The following NRG1 variants were observed in gnomAD, a reference collection of about 807,000 sequenced individuals.
NRG1 encodes neuregulin 1.
NRG1 carries 18 observed loss-of-function variants against 63.8 expected under a neutral mutation model. The ratio of observed to expected loss-of-function variants is 0.28; its 90% CI spans 0.19 to 0.42. The LOEUF (loss-of-function observed/expected upper bound fraction) is 0.42. Ranked by LOEUF, NRG1 falls within the 10% of genes least tolerant of loss-of-function variation. The pLI, the probability that NRG1 is intolerant of heterozygous loss-of-function variation, is 1.00. For synonymous variants in NRG1, 302 were observed against 301.3 expected (o/e 1.00, Z -0.02); for missense variants, 762 against 814.7 (o/e 0.94, Z 0.79).
chr8:32,042,764 A>G (rs1820277590), intron 1 of NRG1, among the ~76,000 whole-genome samples: 1 of 152,072 alleles, frequency 6.6e-6, no homozygotes, highest in Non-Finnish European at 1.5e-5. Context: ...TTAAAAAAAA[A>G]CTCATTGGAA....
At chr8:31,943,210 G>T (rs757277820) in intron 1 of NRG1, among the ~76,000 whole-genome samples, 6 of 152,034 alleles carry the variant, frequency 3.9e-5, no homozygotes, top group Non-Finnish European at 5.9e-5. Flanking sequence ...AGCCATAAAA[G>T]CAACAAAATA....
At chr8:31,889,777 A>G (rs1323057115) in intron 1 of NRG1, among the ~76,000 whole-genome samples, 1 of 152,164 alleles carries the variant, frequency 6.6e-6, no homozygotes, top group East Asian at 1.9e-4. Flanking sequence ...TGGGCTGGCG[A>G]CCAAGTGCAG....
chr8:32,326,518 T>C, intron 1 of NRG1, among the ~76,000 whole-genome samples: 1 of 152,002 alleles, frequency 6.6e-6, no homozygotes, highest in Non-Finnish European at 1.5e-5. Context: ...AGAGACATGG[T>C]CTCACTATGT....
intron 1 of NRG1, among the ~76,000 whole-genome samples, chr8:32,570,357 G>A (rs927357771): frequency 1.3e-5 from 2 of 152,060 alleles, no homozygotes; most frequent in Admixed American, 6.6e-5. Flanking sequence ...TGTACATTGT[G>A]CTAGGTTCTG....
chr8:31,674,722 A>C (rs1029604682), intron 1 of NRG1, among the ~76,000 whole-genome samples: 1 of 152,248 alleles, frequency 6.6e-6, no homozygotes, highest in African/African-American at 2.4e-5. Context: ...TTTGACCTGA[A>C]TTTACTGTAG....
chr8:32,760,714 A>T (rs894060814), intron 11 of NRG1: 8 of 1,145,974 alleles, frequency 7.0e-6, no homozygotes, highest in African/African-American at 1.6e-5. Flanking sequence ...TCGGGGTCTC[A>T]GTGTCCTCAG....
intron 1 of NRG1, among the ~76,000 whole-genome samples, chr8:31,747,958 T>C (rs1816059012): frequency 6.6e-6 from 1 of 152,028 alleles, no homozygotes; most frequent in Admixed American, 6.6e-5. Flanking sequence ...GATTATCCAG[T>C]AGTCTTTGGT....
At chr8:31,679,800 C>T (rs938531326) in intron 1 of NRG1, among the ~76,000 whole-genome samples, 6 of 152,016 alleles carry the variant, frequency 3.9e-5, no homozygotes, top group Non-Finnish European at 8.8e-5. Context: ...ATTTTGTCTG[C>T]ATAGTAACCA....
At chr8:32,752,529 T>C (rs945586849) in intron 7 of NRG1, among the ~76,000 whole-genome samples, 1 of 152,230 alleles carries the variant, frequency 6.6e-6, no homozygotes, top group Admixed American at 6.5e-5. Flanking sequence ...TTAGGAGTTA[T>C]GCTGTATGGA....
At chr8:32,223,779 A>G (rs1245689178) in intron 1 of NRG1, among the ~76,000 whole-genome samples, 2 of 152,198 alleles carry the variant, frequency 1.3e-5, no homozygotes, top group African/African-American at 4.8e-5. Flanking sequence ...TAATGAAGTT[A>G]GAGAAGGGAA....
chr8:31,922,494 AT>A (rs1406526129), intron 1 of NRG1, among the ~76,000 whole-genome samples: 1 of 152,178 alleles, frequency 6.6e-6, no homozygotes. Flanking sequence ...AGCAGGAGAC[AT>A]TATGGAAAAA....
At chr8:32,205,631 A>G (rs895664732) in intron 1 of NRG1, among the ~76,000 whole-genome samples, 1 of 152,202 alleles carries the variant, frequency 6.6e-6, no homozygotes, top group African/African-American at 2.4e-5. Flanking sequence ...ATAATCAAGC[A>G]TATGAGTATT....
chr8:32,107,041 A>G (rs936814651), intron 1 of NRG1, among the ~76,000 whole-genome samples: 4 of 151,204 alleles, frequency 2.6e-5, no homozygotes, highest in African/African-American at 9.7e-5. Flanking sequence ...ACATGGTGAA[A>G]CCCTGTCTCT....
intron 1 of NRG1, among the ~76,000 whole-genome samples, chr8:32,408,466 C>T (rs1279240761): frequency 6.6e-6 from 1 of 152,058 alleles, no homozygotes; most frequent in African/African-American, 2.4e-5. Context: ...TAGTTAGTGC[C>T]CTGAAGCTCT....
chr8:31,854,857 G>T (rs868453631), intron 1 of NRG1, among the ~76,000 whole-genome samples: 3 of 151,956 alleles, frequency 2.0e-5, no homozygotes, highest in Non-Finnish European at 4.4e-5. Flanking sequence ...TTCTGCCTTC[G>T]TTTCGTTATG....
chr8:32,593,854 C>CAAAAAAAAAAAAAAAAAAAAAAAAAAAAA (rs11444147), intron 1 of NRG1, among the ~76,000 whole-genome samples: 1 of 97,078 alleles, frequency 1.0e-5, no homozygotes, highest in African/African-American at 4.0e-5. Flanking sequence ...TTCAAGGTGT[C>CAAAAAAAAAAAAAAAAAAAAAAAAAAAAA]AAAAAAAAAA....
chr8:32,601,417 G>T (rs986418047), intron 2 of NRG1, among the ~76,000 whole-genome samples: 8 of 152,102 alleles, frequency 5.3e-5, no homozygotes, highest in Admixed American at 2.6e-4. Flanking sequence ...TCTTTCCAAA[G>T]AGAAAACCTA....
chr8:32,750,536 A>G (rs1828490140), intron 7 of NRG1, among the ~76,000 whole-genome samples: 1 of 152,018 alleles, frequency 6.6e-6, no homozygotes, highest in African/African-American at 2.4e-5. Flanking sequence ...TCTGGTCCCC[A>G]TCCAGCTGGC....
intron 1 of NRG1, among the ~76,000 whole-genome samples, chr8:31,780,214 T>C (rs773492603): frequency 4.6e-5 from 7 of 152,338 alleles, no homozygotes; most frequent in Non-Finnish European, 1.0e-4. Context: ...TCTTGAGAAA[T>C]AATTTATTGA....
Sources: allele counts gnomAD v4.1 joint callset (sites outside exome capture counted in the v4.1 genomes callset), GRCh38; gene constraint gnomAD v4.1.1; transcripts MANE v1.5; gene names NCBI Gene and HGNC (gene_info 2026-07-23, HGNC 2026-07-21).